WWOX: variants seen among roughly 807,000 people sequenced by gnomAD.
WWOX encodes WW domain-containing oxidoreductase.
Under a neutral mutation model 46.2 loss-of-function variants are expected in WWOX, and 69 were observed. The ratio of observed to expected loss-of-function variants is 1.49; its 90% CI spans 1.23 to 1.82. The LOEUF (loss-of-function observed/expected upper bound fraction) is 1.82, where lower values mean the gene tolerates loss of function less well. Ranked by LOEUF, WWOX falls within the 40% of genes most tolerant of loss-of-function variation. The pLI, the probability that WWOX is intolerant of heterozygous loss-of-function variation, is 0.00. For synonymous variants in WWOX, 359 were observed against 202.6 expected, an observed-to-expected ratio of 1.77 and a Z score of -6.56; for missense variants, 919 against 542.6, an observed-to-expected ratio of 1.69 and a Z score of -6.89.
chr16:78,474,433 C>G (rs1249813573), intron 8 of WWOX, among the ~76,000 whole-genome samples: 1 of 152,206 alleles, frequency 6.6e-6, no homozygotes, highest in Non-Finnish European at 1.5e-5. Flanking sequence ...GCTTAAATGT[C>G]TCATTTGTCA....
At chr16:78,626,814 A>G (rs190445411) in intron 8 of WWOX, among the ~76,000 whole-genome samples, 7 of 152,292 alleles carry the variant, frequency 4.6e-5, no homozygotes, top group Admixed American at 2.0e-4. Context: ...ATTTATTTAT[A>G]TCACGGTACA....
intron 8 of WWOX, among the ~76,000 whole-genome samples, chr16:79,151,790 G>C (rs1057446276): frequency 6.6e-6 from 1 of 152,232 alleles, no homozygotes; most frequent in African/African-American, 2.4e-5. Context: ...TGGAGTTGCT[G>C]TAATGGCAAG....
intron 8 of WWOX, among the ~76,000 whole-genome samples, chr16:78,481,150 G>A (rs2084475807): frequency 6.6e-6 from 1 of 152,182 alleles, no homozygotes; most frequent in Non-Finnish European, 1.5e-5. Context: ...CATTCCTGGA[G>A]GTAGTAGCTA....
intron 8 of WWOX, among the ~76,000 whole-genome samples, chr16:78,773,684 T>G (rs2050121071): frequency 6.6e-6 from 1 of 152,154 alleles, no homozygotes; most frequent in South Asian, 2.1e-4. Flanking sequence ...GAAATCACAG[T>G]GGTGTGTCTG....
chr16:78,956,444 C>A lies in WWOX; in HGVS notation c.1057-255164C>A, dbSNP rs193279954. On this transcript the variant is annotated intron_variant, in intron 8 of 8. Transcript: ENST00000566780. ...TGCTGGGATTACAGGCATGAGCCAC[C>A]ACTCTAGGCCTGTATTTGTTTTAAT... Among the ~76,000 whole-genome samples, 1,495 of 152,168 alleles carry A rather than the reference C, an allele frequency of 9.8e-3. 10 individuals are homozygous for A. Among genetic ancestry groups the A allele is most frequent in the Non-Finnish European group, 0.014 (983 of 68,000 alleles).
At chr16:78,710,011 G>A (rs1003072493) in intron 8 of WWOX, among the ~76,000 whole-genome samples, 19 of 152,088 alleles carry the variant, frequency 1.2e-4, no homozygotes, top group Admixed American at 2.6e-4. Context: ...GATTACAGGC[G>A]TCAGCCACCG....
chr16:78,828,505 A>G (rs2051724059), intron 8 of WWOX, among the ~76,000 whole-genome samples: 1 of 152,014 alleles, frequency 6.6e-6, no homozygotes, highest in African/African-American at 2.4e-5. Context: ...TGCACTGGGC[A>G]TTTTTAAATT....
intron 8 of WWOX, among the ~76,000 whole-genome samples, chr16:78,618,450 T>TA (rs1555505064): frequency 6.6e-6 from 1 of 152,180 alleles, no homozygotes; most frequent in Non-Finnish European, 1.5e-5. Context: ...CACATGGTCT[T>TA]CCCTCTGTGT....
At chr16:78,908,826 G>T (rs2045035005) in intron 8 of WWOX, among the ~76,000 whole-genome samples, 1 of 152,188 alleles carries the variant, frequency 6.6e-6, no homozygotes, top group African/African-American at 2.4e-5. Context: ...CAATTGCAGG[G>T]TCTGCAAAGT....
intron 8 of WWOX, among the ~76,000 whole-genome samples, chr16:79,156,606 TA>T (rs971907519): frequency 1.1e-4 from 17 of 151,314 alleles, no homozygotes; most frequent in Admixed American, 3.3e-4. Context: ...ATTAACAAGT[TA>T]AAAAAAAATT....
intron 8 of WWOX, among the ~76,000 whole-genome samples, chr16:78,853,179 T>G (rs916375329): frequency 6.6e-6 from 1 of 152,182 alleles, no homozygotes; most frequent in Non-Finnish European, 1.5e-5. Flanking sequence ...TGTATAGCCA[T>G]GGCAAATGCA....
rs139862230 is a variant in WWOX at position 78,617,593 on chromosome 16, C to G, written c.1056+184841C>G. Among the ~76,000 whole-genome samples, 515 of 152,224 alleles carry G rather than the reference C, an allele frequency of 3.4e-3. 4 individuals are homozygous for G. The highest frequency in any genetic ancestry group is 0.012 in the African/African-American group (493 of 41,542). On this transcript the variant is annotated intron_variant, in intron 8 of 8. Coordinates refer to ENST00000566780, the MANE Select transcript of WWOX (RefSeq NM_016373.4). The stretch of plus-strand genomic sequence containing the variant: ...GTGCTTGTGTGTGTTCTGAGGAAAG[C>G]AGGTGATGATCCCTGAGGTGTATCC...
chr16:78,469,400 C>G (rs960009871), intron 8 of WWOX, among the ~76,000 whole-genome samples: 2 of 152,090 alleles, frequency 1.3e-5, no homozygotes, highest in Non-Finnish European at 2.9e-5. Context: ...CACAGGAGCA[C>G]TTGGAGAAGG....
chr16:78,203,083 T>G (rs1182686598), intron 5 of WWOX, among the ~76,000 whole-genome samples: 2 of 152,224 alleles, frequency 1.3e-5, no homozygotes, highest in African/African-American at 2.4e-5. Context: ...CAGCCTATCC[T>G]TGAACTGGTG....
At chr16:78,243,055 TC>T (rs1486813664) in intron 5 of WWOX, among the ~76,000 whole-genome samples, 1 of 152,074 alleles carries the variant, frequency 6.6e-6, no homozygotes, top group Non-Finnish European at 1.5e-5. Context: ...CCCTTCCCTC[TC>T]CCCATCCTAG....
At chr16:78,727,961 A>C (rs2048874927) in intron 8 of WWOX, among the ~76,000 whole-genome samples, 1 of 151,998 alleles carries the variant, frequency 6.6e-6, no homozygotes, top group Non-Finnish European at 1.5e-5. Context: ...TTAAAATAGA[A>C]ATAGTCAAAT....
chr16:79,007,162 G>T (rs986751475), intron 8 of WWOX, among the ~76,000 whole-genome samples: 1 of 152,146 alleles, frequency 6.6e-6, no homozygotes, highest in Non-Finnish European at 1.5e-5. Flanking sequence ...TTATGTTCCA[G>T]TGAGGGTGAA....
chr16:79,097,510 G>A (rs537170040), intron 8 of WWOX, among the ~76,000 whole-genome samples: 14 of 152,210 alleles, frequency 9.2e-5, no homozygotes, highest in South Asian at 2.1e-4. Flanking sequence ...GCACCGCAGC[G>A]CTATCATATG....
At chr16:78,630,261 GAGTT>G (rs1378133846) in intron 8 of WWOX, among the ~76,000 whole-genome samples, 3 of 152,204 alleles carry the variant, frequency 2.0e-5, no homozygotes, top group African/African-American at 7.2e-5. Context: ...GTGTGGGAAA[GAGTT>G]AGTACAGCAG....
Sources: gnomAD v4.1 joint callset for allele counts (sites outside exome capture counted in the v4.1 genomes callset) on GRCh38, gnomAD v4.1.1 for gene constraint, MANE v1.5 for transcripts, NCBI Gene and HGNC (gene_info 2026-07-23, HGNC 2026-07-21) for gene names.